The following TMEM117 variants were observed in gnomAD, a reference collection of about 807,000 sequenced individuals.
TMEM117 encodes the protein transmembrane protein 117.
Under a neutral mutation model 52.4 loss-of-function variants are expected in TMEM117, and 27 were observed. That is an observed-to-expected ratio of 0.51 (90% CI 0.38 to 0.71). TMEM117 has a LOEUF of 0.71. Ranked by LOEUF, TMEM117 falls within the 30% of genes least tolerant of loss-of-function variation. TMEM117 has a pLI of 0.00. For missense variants in TMEM117, 556 were observed against 630.5 expected (o/e 0.88, Z 1.26); for synonymous variants, 215 against 206.3 (o/e 1.04, Z -0.36).
At chr12:43,980,481 G>A (rs530130145) in intron 3 of TMEM117, among the ~76,000 whole-genome samples, 7 of 152,290 alleles carry the variant, frequency 4.6e-5, no homozygotes, top group African/African-American at 1.4e-4. Context: ...GGCTGTGGTA[G>A]CTTTAAGCAG....
chr12:43,805,714 A>C, the TMEM117 span: 1 of 1,031,902 alleles, frequency 9.7e-7, no homozygotes, highest in Non-Finnish European at 1.3e-6. Context: ...TTTGGAGAGA[A>C]AATGCGGGAG....
chr12:43,915,917 A>AC (rs917471580), intron 2 of TMEM117, among the ~76,000 whole-genome samples: 1 of 151,842 alleles, frequency 6.6e-6, no homozygotes, highest in African/African-American at 2.4e-5. Context: ...CAGCTTCAGC[A>AC]CCCCCCTCAA....
intron 3 of TMEM117, among the ~76,000 whole-genome samples, chr12:44,080,277 G>C (rs1049188472): frequency 6.6e-6 from 1 of 152,056 alleles, no homozygotes; most frequent in Non-Finnish European, 1.5e-5. Context: ...AATCATGGTG[G>C]AAGGGGAAGC....
chr12:44,219,377 TAAC>T (rs770413300), intron 5 of TMEM117, among the ~76,000 whole-genome samples: 8 of 152,198 alleles, frequency 5.3e-5, no homozygotes, highest in Non-Finnish European at 1.0e-4. Flanking sequence ...TATATTGAGA[TAAC>T]AACTCTTTTA....
intron 3 of TMEM117, among the ~76,000 whole-genome samples, chr12:43,945,883 G>A (rs1369679537): frequency 6.6e-6 from 1 of 152,036 alleles, no homozygotes; most frequent in African/African-American, 2.4e-5. Context: ...GGCTACCATT[G>A]TTCAGTACTG....
At chr12:43,930,680 TAGC>T (rs1944857370) in intron 2 of TMEM117, among the ~76,000 whole-genome samples, 1 of 152,248 alleles carries the variant, frequency 6.6e-6, no homozygotes, top group Non-Finnish European at 1.5e-5. Flanking sequence ...TATTTCCTCT[TAGC>T]AGTTTGAGGC....
the TMEM117 span, among the ~76,000 whole-genome samples, chr12:43,826,272 T>G: frequency 6.6e-6 from 1 of 152,202 alleles, no homozygotes; most frequent in Admixed American, 6.5e-5. Context: ...GAGCTTTATT[T>G]ATTGAGGTTT....
At chr12:43,814,132 A>G in the TMEM117 span, among the ~76,000 whole-genome samples, 2 of 152,284 alleles carry the variant, frequency 1.3e-5, no homozygotes, top group African/African-American at 4.8e-5. Flanking sequence ...TTCATTAAAA[A>G]AATACAACTC....
the TMEM117 span, among the ~76,000 whole-genome samples, chr12:43,807,945 T>C: frequency 7.9e-5 from 12 of 152,236 alleles, no homozygotes; most frequent in Admixed American, 7.8e-4. Context: ...GTTTACAGTT[T>C]ACAAATAATA....
At chr12:43,992,303 C>T (rs1945955993) in intron 3 of TMEM117, among the ~76,000 whole-genome samples, 1 of 151,992 alleles carries the variant, frequency 6.6e-6, no homozygotes, top group African/African-American at 2.4e-5. Context: ...GATGAGGTCT[C>T]ACTGTATTGC....
intron 6 of TMEM117, among the ~76,000 whole-genome samples, chr12:44,330,610 C>T (rs567122488): frequency 1.2e-4 from 18 of 152,124 alleles, no homozygotes; most frequent in African/African-American, 3.9e-4. Context: ...TTCTACCTGT[C>T]CACATTTCAA....
chr12:44,371,476 C>A lies in TMEM117; in HGVS notation c.769-5119C>A, dbSNP rs186590416. Among the ~76,000 whole-genome samples, 4 of 152,186 alleles carry A rather than the reference C, an allele frequency of 2.6e-5. No individual in the cohort carries two copies. In the East Asian group the frequency reaches 7.7e-4, roughly 29 times the overall value. On this transcript the variant is annotated intron_variant, in intron 6 of 7. Transcript: ENST00000266534. ...TCTAATCTAATCTATCTCTTAATTT[C>A]CTCATAAATCAGGTGGCTAATTTTT...
At chr12:44,312,739 A>C (rs1404832411) in intron 6 of TMEM117, among the ~76,000 whole-genome samples, 1 of 152,202 alleles carries the variant, frequency 6.6e-6, no homozygotes, top group Non-Finnish European at 1.5e-5. Context: ...GTCAGTACAT[A>C]AACATTCCCT....
At chr12:44,116,188 TTTC>T (rs1331006416) in intron 3 of TMEM117, among the ~76,000 whole-genome samples, 3 of 152,232 alleles carry the variant, frequency 2.0e-5, no homozygotes, top group Non-Finnish European at 4.4e-5. Context: ...ATTTCTTGAA[TTTC>T]TTATTATATT....
At chr12:43,874,867 G>A (rs181443230) in intron 2 of TMEM117, among the ~76,000 whole-genome samples, 1 of 152,260 alleles carries the variant, frequency 6.6e-6, no homozygotes, top group East Asian at 1.9e-4. Flanking sequence ...TTCATTTCTG[G>A]AAGAGTAATG....
intron 4 of TMEM117, among the ~76,000 whole-genome samples, chr12:44,182,809 C>T (rs953036999): frequency 7.2e-5 from 11 of 151,992 alleles, no homozygotes; most frequent in African/African-American, 2.4e-4. Context: ...TGTGATGAGT[C>T]GGTCAGTAGC....
At chr12:43,914,936 C>T (rs1455923482) in intron 2 of TMEM117, among the ~76,000 whole-genome samples, 1 of 152,148 alleles carries the variant, frequency 6.6e-6, no homozygotes, top group Non-Finnish European at 1.5e-5. Context: ...CACTGTACAT[C>T]TGCATATCAG....
intron 2 of TMEM117, among the ~76,000 whole-genome samples, chr12:43,868,154 C>T (rs975791867): frequency 3.3e-5 from 5 of 151,512 alleles, no homozygotes; most frequent in African/African-American, 1.2e-4. Flanking sequence ...CTCTCTCTCT[C>T]TTTCTGTCTC....
intron 3 of TMEM117, among the ~76,000 whole-genome samples, chr12:43,950,283 T>A (rs1035747781): frequency 6.6e-6 from 1 of 152,162 alleles, no homozygotes; most frequent in Non-Finnish European, 1.5e-5. Context: ...GTTATAAGTG[T>A]TTTGTTAAAG....
Sources: allele counts gnomAD v4.1 joint callset (sites outside exome capture counted in the v4.1 genomes callset), GRCh38; gene constraint gnomAD v4.1.1; transcripts MANE v1.5; gene names NCBI Gene and HGNC (gene_info 2026-07-23, HGNC 2026-07-21).